The following KIAA1614 variants were observed in gnomAD, a reference collection of about 807,000 sequenced individuals.
KIAA1614 encodes uncharacterized protein KIAA1614.
In KIAA1614, 76 loss-of-function variants were observed where a neutral mutation model predicts 88.7. The ratio of observed to expected loss-of-function variants is 0.86; its 90% CI spans 0.71 to 1.04. KIAA1614 has a LOEUF of 1.04. Ranked by LOEUF, KIAA1614 falls within the 50% of genes least tolerant of loss-of-function variation. The probability of loss-of-function intolerance (pLI) is 0.00; values close to 1 mark genes in which losing one functional copy is unlikely to be tolerated. For synonymous variants in KIAA1614, 714 were observed against 675.5 expected, an observed-to-expected ratio of 1.06 and a Z score of -0.88; for missense variants, 1,553 against 1,582.5, an observed-to-expected ratio of 0.98 and a Z score of 0.32.
intron 7 of KIAA1614, among the ~76,000 whole-genome samples, chr1:180,943,373 T>A (rs2102276587): frequency 6.7e-6 from 1 of 149,746 alleles, no homozygotes. Context: ...TGATGGGCAC[T>A]TAGCTTGGTT....
At chr1:180,932,681 A>G (rs1654223939) in intron 4 of KIAA1614, among the ~76,000 whole-genome samples, 1 of 152,150 alleles carries the variant, frequency 6.6e-6, no homozygotes, top group Non-Finnish European at 1.5e-5. Context: ...AGGCAGATCT[A>G]CTTGCTTAGG....
chr1:180,936,477 G>A lies in KIAA1614; in HGVS notation c.2568G>A (p.Glu856=). The A allele has an allele frequency of 6.2e-7, 1 of 1,613,918 alleles. No individual in the cohort carries two copies. The highest frequency in any genetic ancestry group is 8.5e-7 in the Non-Finnish European group (1 of 1,179,930). ...PSRSAVLRTC[E]LPPSQTQPSR... is the part of the protein sequence containing the mutation. ...GAAGCGCGGTTCTCAGGACCTGTGA[G>A]CTGCCCCCATCACAGACCCAGCCCA... Residue 856 remains glutamate, a synonymous_variant, in exon 5 of 9, where the codon GAG becomes GAA. Coordinates refer to ENST00000367588, the MANE Select transcript of KIAA1614 (RefSeq NM_020950.2).
chr1:180,940,729 CT>C (rs1275644990), intron 6 of KIAA1614, among the ~76,000 whole-genome samples: 1 of 142,746 alleles, frequency 7.0e-6, no homozygotes, highest in African/African-American at 2.6e-5. Context: ...TCTTTCTTTT[CT>C]TTTTTTTGGG....
Position 180,945,680 on chromosome 1 carries a change from G to T in KIAA1614, c.*92G>T. The T allele has an allele frequency of 6.9e-7, 1 of 1,450,362 alleles. No homozygotes were observed. The highest frequency in any genetic ancestry group is 9.0e-7 in the Non-Finnish European group (1 of 1,110,818). 89.8% of individuals were successfully genotyped at this position (1,450,362 alleles called of 1,614,324 possible). ...TTTCTGAATTGTCCAGGGCTCTCTAGGAGTCTGCACCTGCAGAGCCTTTGC... is the reference window on the plus strand; with the variant it reads ...TTTCTGAATTGTCCAGGGCTCTCTATGAGTCTGCACCTGCAGAGCCTTTGC... On this transcript the variant is annotated 3_prime_UTR_variant, in exon 9 of 9. Transcript: ENST00000367588.
intron 1 of KIAA1614, among the ~76,000 whole-genome samples, chr1:180,913,509 C>T (rs1021592419): frequency 4.6e-5 from 7 of 152,210 alleles, no homozygotes; most frequent in African/African-American, 1.7e-4. Context: ...GCCATAGAAC[C>T]AGGCAGCTCC....
At position 180,916,204 on chromosome 1, in the gene KIAA1614, C is replaced by A; in HGVS notation, c.101C>A (p.Ala34Asp). 6.2e-7 allele frequency: 1 copy of A among 1,607,002 alleles called. No homozygotes were observed. Among genetic ancestry groups the A allele is most frequent in the Non-Finnish European group, 8.5e-7 (1 of 1,177,050 alleles). Residue 34 changes from alanine to aspartate, a missense_variant, in exon 2 of 9, where the codon GCT becomes GAT. Physicochemically the swap from Ala to Asp is moderately radical, Grantham distance 126. Transcript: ENST00000367588. ...GCCAGCCCCGTGGAGGGGACCTCAGCTGTGGAGTGGAGTGGTCCTGAGCCA... is the reference window on the plus strand; with the variant it reads ...GCCAGCCCCGTGGAGGGGACCTCAGATGTGGAGTGGAGTGGTCCTGAGCCA... ...GTASPVEGTSAVEWSGPEPQL... is the reference protein window; with the variant it reads ...GTASPVEGTSDVEWSGPEPQL...
At position 180,947,279 on chromosome 1, in the gene KIAA1614, G is replaced by A. The variant is rs1458967387; in HGVS notation, c.*1691G>A. 1 of 152,394 alleles carries A rather than the reference G, an allele frequency of 6.6e-6. No homozygotes were observed. Among genetic ancestry groups the A allele is most frequent in the East Asian group, 1.9e-4 (1 of 5,208 alleles). 9.4% of individuals were successfully genotyped at this position (152,394 alleles called of 1,614,324 possible). A position where few individuals can be genotyped will look rare whatever the true frequency, so the allele number is the denominator to read the frequency against. On this transcript the variant is annotated 3_prime_UTR_variant, in exon 9 of 9. Coordinates refer to ENST00000367588, the MANE Select transcript of KIAA1614 (RefSeq NM_020950.2). ...GGTTGTGCCACTGTAAGGGGCTTTG[G>A]CTTTCATGCCGAATGAGATGGGAGC... is the stretch of plus-strand genomic sequence containing the variant.
intron 1 of KIAA1614, 73 bp downstream of exon 1, chr1:180,913,366 C>G: frequency 9.8e-7 from 1 of 1,020,214 alleles, no homozygotes; most frequent in Non-Finnish European, 1.3e-6. Flanking sequence ...GAGCGGGGAG[C>G]CCAGGTCGCC....
At chr1:180,942,844 A>G (rs1293256239) in intron 7 of KIAA1614, among the ~76,000 whole-genome samples, 1 of 152,210 alleles carries the variant, frequency 6.6e-6, no homozygotes, top group Non-Finnish European at 1.5e-5. Context: ...AGGGAGGCAG[A>G]GCAGGGAGGA....
chr1:180,944,147 C>T, intron 7 of KIAA1614: 1 of 325,486 alleles, frequency 3.1e-6, no homozygotes, highest in Non-Finnish European at 5.8e-6. Flanking sequence ...TAGTATAGCA[C>T]TAAAGTTGTT....
At chr1:180,939,244 T>C (rs1268184251) in intron 6 of KIAA1614, among the ~76,000 whole-genome samples, 1 of 152,144 alleles carries the variant, frequency 6.6e-6, no homozygotes, top group Admixed American at 6.5e-5. Context: ...ACACTATGCC[T>C]GGTGGCTGCA....
intron 2 of KIAA1614, 104 bp downstream of exon 2, chr1:180,917,204 G>C: frequency 1.2e-6 from 1 of 848,438 alleles, no homozygotes; most frequent in Non-Finnish European, 1.8e-6. Flanking sequence ...GGCAGGAAAG[G>C]AGGGAGAGCC....
At position 180,936,570 on chromosome 1, in the gene KIAA1614, G is replaced by A. The variant is rs779075327; in HGVS notation, c.2661G>A (p.Arg887=). 2.2e-5 allele frequency: 35 copies of A among 1,613,500 alleles called. No homozygotes were observed. The East Asian group carries it at 7.6e-4, about 35-fold the overall frequency. The change falls in exon 5 of 9, where the codon CGG becomes CGA. Residue 887 remains arginine (R), a synonymous_variant. Transcript: ENST00000367588. The part of the protein sequence containing the change: ...STNNCNNSAP[R]GLQEPYGGAV... The stretch of plus-strand genomic sequence containing the variant: ...ACAACTGCAACAACAGCGCACCTCG[G>A]GGGCTGCAGGAGCCCTACGGGGGAG...
chr1:180,943,028 G>GTTTTTTGTTTTT (rs1558073206), intron 7 of KIAA1614, among the ~76,000 whole-genome samples: 1 of 14,936 alleles, frequency 6.7e-5, no homozygotes, highest in Non-Finnish European at 2.2e-4. Flanking sequence ...AGTTTTTTGG[G>GTTTTTTGTTTTT]TTTTTTTTTT....
chr1:180,921,203 TC>T (rs1345160749), intron 3 of KIAA1614, among the ~76,000 whole-genome samples: 2 of 104,298 alleles, frequency 1.9e-5, no homozygotes, highest in African/African-American at 7.5e-5. Context: ...GGGGTTTTTC[TC>T]TTACGGGCAG....
chr1:180,941,255 C>G lies in KIAA1614; in HGVS notation c.3129C>G (p.Ser1043=). 1 of 1,612,482 alleles carries G rather than the reference C, an allele frequency of 6.2e-7. No homozygotes were observed. The highest frequency in any genetic ancestry group is 8.5e-7 in the Non-Finnish European group (1 of 1,179,002). ...QPAPPGLTSQ[S]RAPSLQSLHP... is the part of the protein sequence containing the mutation. ...CCCCGCCTGGCCTGACGTCACAGTCCAGGGCCCCATCGTTACAATCCCTGC... is the reference window on the plus strand; with the variant it reads ...CCCCGCCTGGCCTGACGTCACAGTCGAGGGCCCCATCGTTACAATCCCTGC... The change falls in exon 7 of 9, where the codon TCC becomes TCG. Residue 1043 remains serine (S), a synonymous_variant. Transcript: ENST00000367588.
At chr1:180,945,046 C>G in intron 8 of KIAA1614, 1 of 502,090 alleles carries the variant, frequency 2.0e-6, no homozygotes, top group Non-Finnish European at 3.5e-6. Flanking sequence ...TCTCTGTACC[C>G]CCCAAAATTT....
intron 3 of KIAA1614, among the ~76,000 whole-genome samples, chr1:180,926,397 C>T (rs763169488): frequency 1.1e-4 from 16 of 149,966 alleles, no homozygotes; most frequent in Non-Finnish European, 2.1e-4. Context: ...TGCCTCTAGG[C>T]GCCTAAAAAG....
chr1:180,935,976 G>A lies in KIAA1614; in HGVS notation c.2067G>A (p.Val689=), dbSNP rs56104489. The change falls in exon 5 of 9, where the codon GTG becomes GTA. Residue 689 remains valine (V), a synonymous_variant. Transcript: ENST00000367588. This position sits in a 1 kb window ranked among gnomAD's most constrained non-coding sequence, Gnocchi z 6.1. The part of the protein sequence containing the change: ...RADDVEVENE[V]KEGRGHTPEG... ...ATGATGTGGAGGTGGAAAATGAGGT[G>A]AAAGAGGGCAGAGGACACACGCCTG... 1 of 1,614,060 alleles carries A rather than the reference G, an allele frequency of 6.2e-7. No homozygotes were observed. Among genetic ancestry groups the A allele is most frequent in the Non-Finnish European group, 8.5e-7 (1 of 1,179,924 alleles).
Sources: gnomAD v4.1 joint callset for allele counts (sites outside exome capture counted in the v4.1 genomes callset) on GRCh38, gnomAD v4.1.1 for gene constraint, Gnocchi (gnomAD v3.1) non-coding constraint, MANE v1.5 for transcripts, NCBI Gene and HGNC (gene_info 2026-07-23, HGNC 2026-07-21) for gene names.